GALNT13: variants seen among roughly 807,000 people sequenced by gnomAD.
GALNT13 encodes the protein polypeptide N-acetylgalactosaminyltransferase 13, also known as UDP-GalNAc:polypeptide N-acetylgalactosaminyltransferase 13.
Under a neutral mutation model 64.2 loss-of-function variants are expected in GALNT13, and 28 were observed. The observed-to-expected ratio is 0.44, with a 90% CI of 0.32 to 0.60. The LOEUF (loss-of-function observed/expected upper bound fraction) is 0.60. Ranked by LOEUF, GALNT13 falls within the 20% of genes least tolerant of loss-of-function variation. GALNT13 has a pLI of 0.05. For synonymous variants in GALNT13, 214 were observed against 224.6 expected, an observed-to-expected ratio of 0.95 and a Z score of 0.42; for missense variants, 577 against 669.8, an observed-to-expected ratio of 0.86 and a Z score of 1.53.
chr2:153,486,918 C>T, the GALNT13 span, among the ~76,000 whole-genome samples: 1 of 152,130 alleles, frequency 6.6e-6, no homozygotes, highest in Admixed American at 6.5e-5. Context: ...TCCTAAGAAA[C>T]AAGAGTTGCA....
chr2:153,780,323 C>T, the GALNT13 span, among the ~76,000 whole-genome samples: 3 of 149,776 alleles, frequency 2.0e-5, no homozygotes, highest in African/African-American at 7.4e-5. Context: ...CCTAAGCCTC[C>T]GTTTAACCTA....
At chr2:153,356,788 TC>T in the GALNT13 span, among the ~76,000 whole-genome samples, 2 of 33,496 alleles carry the variant, frequency 6.0e-5, no homozygotes, top group African/African-American at 1.1e-4. Flanking sequence ...TTCTTCTTCC[TC>T]TTTTTTTTTT....
the GALNT13 span, among the ~76,000 whole-genome samples, chr2:153,275,042 G>A: frequency 2.1e-4 from 32 of 152,158 alleles, no homozygotes; most frequent in Non-Finnish European, 4.4e-4. Flanking sequence ...TGTAATATGT[G>A]AATACCTGTT....
intron 9 of GALNT13, among the ~76,000 whole-genome samples, chr2:154,378,063 A>G (rs529732916): frequency 6.6e-6 from 1 of 152,132 alleles, no homozygotes; most frequent in Non-Finnish European, 1.5e-5. Context: ...AGTGCCCCCA[A>G]CCTCATATAC....
the GALNT13 span, among the ~76,000 whole-genome samples, chr2:153,474,827 A>T: frequency 1.3e-5 from 2 of 152,042 alleles, no homozygotes; most frequent in Admixed American, 6.6e-5. Context: ...TCTCTCAGGG[A>T]CTCCCACTAA....
chr2:154,420,467 G>T (rs562414008), intron 11 of GALNT13, among the ~76,000 whole-genome samples: 1 of 151,944 alleles, frequency 6.6e-6, no homozygotes, highest in Non-Finnish European at 1.5e-5. Context: ...GTTTTCTCCT[G>T]TTTTATGCCT....
intron 3 of GALNT13, among the ~76,000 whole-genome samples, chr2:154,106,940 T>G (rs1439668701): frequency 6.6e-6 from 1 of 152,174 alleles, no homozygotes; most frequent in African/African-American, 2.4e-5. Context: ...AGAATGCAGA[T>G]CTGTCATGAA....
intron 1 of GALNT13, among the ~76,000 whole-genome samples, chr2:153,898,161 G>T (rs1228921826): frequency 6.6e-6 from 1 of 151,960 alleles, no homozygotes; most frequent in Non-Finnish European, 1.5e-5. Context: ...GTTAGAAATT[G>T]GTGTCTAATT....
chr2:153,727,759 G>A, the GALNT13 span, among the ~76,000 whole-genome samples: 1 of 151,240 alleles, frequency 6.6e-6, no homozygotes, highest in African/African-American at 2.4e-5. Flanking sequence ...TTTAAGTTCT[G>A]GGATAAATGT....
At chr2:153,516,266 C>G in the GALNT13 span, among the ~76,000 whole-genome samples, 1 of 152,118 alleles carries the variant, frequency 6.6e-6, no homozygotes, top group African/African-American at 2.4e-5. Flanking sequence ...ATTCTCAGTG[C>G]CTGATAGTGC....
At chr2:153,190,972 T>C in the GALNT13 span, among the ~76,000 whole-genome samples, 2 of 150,460 alleles carry the variant, frequency 1.3e-5, no homozygotes, top group South Asian at 4.1e-4. Flanking sequence ...AGAGGTTTTT[T>C]TAAGGTCTTT....
the GALNT13 span, among the ~76,000 whole-genome samples, chr2:153,669,025 C>G: frequency 1.2e-4 from 18 of 152,168 alleles, no homozygotes; most frequent in African/African-American, 1.4e-4. Flanking sequence ...GCTGGTCTTT[C>G]CCAAGGACCC....
chr2:153,978,430 A>C (rs369242021), intron 3 of GALNT13, among the ~76,000 whole-genome samples: 17 of 152,066 alleles, frequency 1.1e-4, no homozygotes, highest in African/African-American at 4.1e-4. Context: ...CTGTGTCCCC[A>C]CCCAAATCTC....
In GALNT13 at chr2:154,307,267, A is replaced by G. The variant is rs367777808; in HGVS notation, c.1156+5678A>G. Among the ~76,000 whole-genome samples the G allele has an allele frequency of 1.1e-4, 16 of 152,316 alleles. No individual in the cohort carries two copies. In the East Asian group the frequency reaches 1.5e-3, roughly 15 times the overall value. On this transcript the variant is annotated intron_variant, in intron 9 of 12. Coordinates refer to ENST00000392825, the MANE Select transcript of GALNT13 (RefSeq NM_052917.4). ...TCTTACCCTCCAGGGCTAATACAAAAGTCTAACAGGCACAATAAAAGCAGA... is the reference window on the plus strand; with the variant it reads ...TCTTACCCTCCAGGGCTAATACAAAGGTCTAACAGGCACAATAAAAGCAGA...
chr2:154,184,610 G>C (rs1176641813), intron 4 of GALNT13, among the ~76,000 whole-genome samples: 2 of 151,900 alleles, frequency 1.3e-5, no homozygotes, highest in Non-Finnish European at 2.9e-5. Flanking sequence ...CCTGAGGCTG[G>C]GTAATTTGTA....
At chr2:153,095,925 T>C in the GALNT13 span, among the ~76,000 whole-genome samples, 1 of 152,186 alleles carries the variant, frequency 6.6e-6, no homozygotes, top group Non-Finnish European at 1.5e-5. Flanking sequence ...TTAGGAGATA[T>C]ACCTAATGTA....
chr2:153,261,035 T>G, the GALNT13 span, among the ~76,000 whole-genome samples: 1 of 152,192 alleles, frequency 6.6e-6, no homozygotes, highest in East Asian at 1.9e-4. Flanking sequence ...AATTCAGAAT[T>G]TCTGCTTCAT....
At chr2:153,429,693 C>T in the GALNT13 span, among the ~76,000 whole-genome samples, 1 of 152,114 alleles carries the variant, frequency 6.6e-6, no homozygotes, top group Non-Finnish European at 1.5e-5. Flanking sequence ...AATTTACCCT[C>T]TGCTGGTATT....
chr2:153,548,344 A>G, the GALNT13 span, among the ~76,000 whole-genome samples: 1 of 152,234 alleles, frequency 6.6e-6, no homozygotes, highest in African/African-American at 2.4e-5. Context: ...ACTACAGGCC[A>G]ATATTAAGCA....
Sources: allele counts gnomAD v4.1 joint callset (sites outside exome capture counted in the v4.1 genomes callset), GRCh38; gene constraint gnomAD v4.1.1; transcripts MANE v1.5; gene names NCBI Gene and HGNC (gene_info 2026-07-23, HGNC 2026-07-21).